The following PDE10A variants were observed in gnomAD, a reference collection of about 807,000 sequenced individuals.
The protein encoded by PDE10A is phosphodiesterase 10A.
A neutral mutation model predicts 97.7 loss-of-function variants in PDE10A; 39 were observed. The observed-to-expected ratio is 0.40, with a 90% CI of 0.31 to 0.52. The LOEUF is 0.52. Ranked by LOEUF, PDE10A falls within the 20% of genes least tolerant of loss-of-function variation. The pLI is 0.56. For synonymous variants in PDE10A, 371 were observed against 376.8 expected (o/e 0.98, Z 0.18); for missense variants, 731 against 1,047.8 (o/e 0.70, Z 4.17).
At chr6:165,769,856 T>C (rs80321432) in intron 1 of PDE10A, among the ~76,000 whole-genome samples, 2,492 of 152,240 alleles carry the variant, frequency 0.016, 72 homozygotes, top group African/African-American at 0.056. Context: ...CTGTGTACAA[T>C]ACAAATAAAA....
intron 1 of PDE10A, among the ~76,000 whole-genome samples, chr6:165,789,701 T>C (rs911799112): frequency 6.6e-6 from 1 of 152,218 alleles, no homozygotes; most frequent in African/African-American, 2.4e-5. Flanking sequence ...CGCCGTGCGG[T>C]CACTAGAGTT....
chr6:165,338,765 C>T (rs766476284), intron 20 of PDE10A, among the ~76,000 whole-genome samples: 2 of 152,196 alleles, frequency 1.3e-5, no homozygotes, highest in Non-Finnish European at 2.9e-5. Context: ...ACTGCAACGG[C>T]AGCTGTAGAA....
chr6:165,675,629 A>G (rs1258100456), intron 1 of PDE10A, among the ~76,000 whole-genome samples: 1 of 152,212 alleles, frequency 6.6e-6, no homozygotes, highest in Non-Finnish European at 1.5e-5. Flanking sequence ...AGGCTAGAGA[A>G]ACAAAACAGA....
chr6:165,758,510 A>AAAGAAG (rs200476731), intron 1 of PDE10A, among the ~76,000 whole-genome samples: 888 of 41,562 alleles, frequency 0.021, 6 homozygotes, highest in African/African-American at 0.042. Context: ...AAGAAAGAAG[A>AAAGAAG]AAGAAGAAGA....
chr6:165,804,071 GATGA>G (rs1465720607), intron 1 of PDE10A, among the ~76,000 whole-genome samples: 1 of 152,206 alleles, frequency 6.6e-6, no homozygotes, highest in African/African-American at 2.4e-5. Flanking sequence ...AGAAGGAACT[GATGA>G]ATGAAAGACG....
At chr6:165,656,060 T>A (rs1475554254) in intron 1 of PDE10A, among the ~76,000 whole-genome samples, 2 of 152,014 alleles carry the variant, frequency 1.3e-5, no homozygotes, top group Non-Finnish European at 2.9e-5. Context: ...TCTCTTGGTA[T>A]TTTTTGTTTC....
intron 1 of PDE10A, among the ~76,000 whole-genome samples, chr6:165,950,578 C>A (rs1322388538): frequency 6.6e-6 from 1 of 152,198 alleles, no homozygotes; most frequent in African/African-American, 2.4e-5. Context: ...GTGCTTTCTG[C>A]AAGTGGGCGT....
chr6:165,961,212 C>T (rs940284626), intron 1 of PDE10A, among the ~76,000 whole-genome samples: 2 of 152,172 alleles, frequency 1.3e-5, no homozygotes, highest in African/African-American at 2.4e-5. Flanking sequence ...AAAAGCTTTA[C>T]ACCCTCTGAA....
chr6:165,884,817 G>T (rs1457202363), intron 1 of PDE10A, among the ~76,000 whole-genome samples: 1 of 152,140 alleles, frequency 6.6e-6, no homozygotes, highest in Non-Finnish European at 1.5e-5. Flanking sequence ...GCGAGGCTTT[G>T]TTTAAGAAAA....
At chr6:165,722,077 C>A (rs1417034622) in intron 1 of PDE10A, among the ~76,000 whole-genome samples, 1 of 152,156 alleles carries the variant, frequency 6.6e-6, no homozygotes, top group Non-Finnish European at 1.5e-5. Flanking sequence ...TGTATTTTTG[C>A]AAAAATTTTC....
chr6:165,421,937 C>G (rs1213941216), intron 10 of PDE10A, among the ~76,000 whole-genome samples: 1 of 152,132 alleles, frequency 6.6e-6, no homozygotes, highest in African/African-American at 2.4e-5. Flanking sequence ...TGGCATGCGT[C>G]TGTTGTCCCA....
chr6:165,794,456 A>T (rs886915705), intron 1 of PDE10A, among the ~76,000 whole-genome samples: 1 of 151,318 alleles, frequency 6.6e-6, no homozygotes, highest in Non-Finnish European at 1.5e-5. Flanking sequence ...ACACACTCAC[A>T]TGCCCATGCA....
rs544442977 is a variant in PDE10A, at chr6:165,632,442, G to A, written c.865+29505C>T. Among the ~76,000 whole-genome samples, 9 of 152,242 alleles carry A rather than the reference G, an allele frequency of 5.9e-5. No individual in the cohort carries two copies. In the South Asian group the frequency reaches 1.9e-3, roughly 32 times the overall value. On this transcript the variant is annotated intron_variant, in intron 1 of 21. Transcript: ENST00000539869. ...CAGTGAGACCTTCTCTCTCCACTGA[G>A]AAGTTTCTTTAGGCTGTAATCTCTA...
chr6:165,844,190 G>C (rs1018569322), intron 1 of PDE10A, among the ~76,000 whole-genome samples: 1 of 152,172 alleles, frequency 6.6e-6, no homozygotes, highest in Admixed American at 6.5e-5. Flanking sequence ...CCTGGGGCTG[G>C]AGCACTGCAG....
intron 1 of PDE10A, among the ~76,000 whole-genome samples, chr6:165,570,315 A>C (rs1439608359): frequency 6.6e-6 from 1 of 152,232 alleles, no homozygotes; most frequent in East Asian, 1.9e-4. Context: ...ATCTGATCTG[A>C]TATCTAAAAC....
intron 1 of PDE10A, among the ~76,000 whole-genome samples, chr6:165,767,494 G>A (rs574560706): frequency 9.2e-5 from 14 of 152,288 alleles, no homozygotes; most frequent in African/African-American, 3.1e-4. Context: ...TGTCTCTATA[G>A]TTTGCCTTCA....
At chr6:165,694,293 A>G (rs1309359765) in intron 1 of PDE10A, among the ~76,000 whole-genome samples, 12 of 152,224 alleles carry the variant, frequency 7.9e-5, no homozygotes, top group Admixed American at 7.9e-4. Context: ...ATTATGCACC[A>G]CGTTTAACTG....
intron 1 of PDE10A, among the ~76,000 whole-genome samples, chr6:165,958,758 A>AAAGAAAGAAGAAAGC (rs1784267906): frequency 7.1e-6 from 1 of 140,164 alleles, no homozygotes; most frequent in Non-Finnish European, 1.6e-5. Context: ...AGAAAGAAAG[A>AAAGAAAGAAGAAAGC]AAGAAAGAAG....
chr6:165,890,301 C>T (rs1163519304), intron 1 of PDE10A, among the ~76,000 whole-genome samples: 2 of 152,054 alleles, frequency 1.3e-5, no homozygotes, highest in East Asian at 1.9e-4. Context: ...GACCACACCG[C>T]GGAGGAAGAC....
Sources: allele counts gnomAD v4.1 joint callset (sites outside exome capture counted in the v4.1 genomes callset), GRCh38; gene constraint gnomAD v4.1.1; transcripts MANE v1.5; gene names NCBI Gene and HGNC (gene_info 2026-07-23, HGNC 2026-07-21).